Variants in LARGE1 observed in about 807,000 individuals in gnomAD.
The protein encoded by LARGE1 is xylosyl- and glucuronyltransferase LARGE1.
In LARGE1, 43 loss-of-function variants were observed where a neutral mutation model predicts 87.6. That is an observed-to-expected ratio of 0.49 (90% confidence interval 0.38 to 0.63). LARGE1 has a LOEUF of 0.63. Ranked by LOEUF, LARGE1 falls within the 30% of genes least tolerant of loss-of-function variation. The probability of loss-of-function intolerance (pLI) is 0.00; values close to 1 mark genes in which losing one functional copy is unlikely to be tolerated. For synonymous variants in LARGE1, 434 were observed against 394.6 expected (o/e 1.10, Z -1.18); for missense variants, 802 against 1,000.2 (o/e 0.80, Z 2.67).
At chr22:33,623,885 C>T (rs1184539586) in intron 4 of LARGE1, among the ~76,000 whole-genome samples, 1 of 151,868 alleles carries the variant, frequency 6.6e-6, no homozygotes, top group African/African-American at 2.4e-5. Flanking sequence ...CAAAAATTAG[C>T]TGGGTGTGGT....
At chr22:33,130,871 A>G in the LARGE1 span, among the ~76,000 whole-genome samples, 1 of 151,876 alleles carries the variant, frequency 6.6e-6, no homozygotes, top group Non-Finnish European at 1.5e-5. Flanking sequence ...GTCTCTACTG[A>G]ACATACAAAA....
At chr22:33,422,739 G>A (rs2066736305) in intron 7 of LARGE1, among the ~76,000 whole-genome samples, 2 of 151,984 alleles carry the variant, frequency 1.3e-5, no homozygotes, top group African/African-American at 4.8e-5. Context: ...TCGAACTCCT[G>A]ACCTCATGAT....
At chr22:33,403,823 C>G (rs568786201) in intron 7 of LARGE1, among the ~76,000 whole-genome samples, 1 of 152,094 alleles carries the variant, frequency 6.6e-6, no homozygotes, top group Admixed American at 6.6e-5. Context: ...AGGCTTGTCT[C>G]GAACTCCTGA....
chr22:33,411,650 T>C (rs7287710), intron 7 of LARGE1, among the ~76,000 whole-genome samples: 20,261 of 152,174 alleles, frequency 0.13, 1,457 homozygotes, highest in African/African-American at 0.19. Context: ...AATACTTGCA[T>C]AAGCAAACAA....
intron 2 of LARGE1, among the ~76,000 whole-genome samples, chr22:33,670,451 C>T (rs961655153): frequency 4.6e-5 from 7 of 151,566 alleles, no homozygotes; most frequent in East Asian, 4.0e-4. Flanking sequence ...GCAGAGGAAA[C>T]GGCATATACA....
downstream of LARGE1, among the ~76,000 whole-genome samples, chr22:33,271,713 A>C (rs1337272814): frequency 5.9e-5 from 9 of 152,246 alleles, no homozygotes; most frequent in Admixed American, 5.9e-4. Flanking sequence ...TGGGGCTGGC[A>C]GTGAACTGCT....
intron 11 of LARGE1, among the ~76,000 whole-genome samples, chr22:33,169,976 A>G (rs563790978): frequency 6.4e-4 from 97 of 152,228 alleles, no homozygotes; most frequent in African/African-American, 2.2e-3. Flanking sequence ...CTATGGTCCA[A>G]ATATTTGTGT....
chr22:33,632,051 T>C, intron 3 of LARGE1, among the ~76,000 whole-genome samples: 1 of 152,202 alleles, frequency 6.6e-6, no homozygotes, highest in South Asian at 2.1e-4. Flanking sequence ...GAGGATGGAA[T>C]GATGTTCTCG....
At chr22:33,536,638 A>G (rs5754597) in intron 6 of LARGE1, among the ~76,000 whole-genome samples, 50,120 of 152,130 alleles carry the variant, frequency 0.33, 10,001 homozygotes, top group Non-Finnish European at 0.45. Flanking sequence ...TGCGTCACAG[A>G]GTGGGCTAAG....
Position 33,337,499 on chromosome 22 carries a change from C to T in LARGE1, c.1287+147G>A, listed in dbSNP as rs534031727. On this transcript the variant is annotated intron_variant, in intron 10 of 14. Transcript: ENST00000397394. The stretch of plus-strand genomic sequence containing the variant: ...GGACCCGCTGATGTACCTCTCTCCC[C>T]GACTAGATGGTGGACCCTGGGCACC... 173 of 878,964 alleles carry T rather than the reference C, an allele frequency of 2.0e-4. 1 individual carries two copies. The Admixed American group carries it at 3.2e-3, about 16-fold the overall frequency. The allele number at this position is 878,964 out of a possible 1,614,324, so 54.4% of individuals were successfully genotyped here. A position where few individuals can be genotyped will look rare whatever the true frequency, so the allele number is the denominator to read the frequency against.
chr22:33,711,761 C>T (rs2082737029), intron 2 of LARGE1, among the ~76,000 whole-genome samples: 1 of 152,210 alleles, frequency 6.6e-6, no homozygotes, highest in Admixed American at 6.5e-5. Flanking sequence ...GTCCTCCTTC[C>T]TCAGCCTCTC....
At chr22:33,792,639 C>T (rs943796051) in intron 1 of LARGE1, among the ~76,000 whole-genome samples, 1 of 151,914 alleles carries the variant, frequency 6.6e-6, no homozygotes, top group African/African-American at 2.4e-5. Flanking sequence ...CTAAAGACAA[C>T]GTTACAAACC....
At chr22:33,561,513 T>C (rs1351627135) in intron 6 of LARGE1, among the ~76,000 whole-genome samples, 1 of 152,182 alleles carries the variant, frequency 6.6e-6, no homozygotes, top group Non-Finnish European at 1.5e-5. Context: ...CCCTGAATGT[T>C]CTGTTAGGAC....
intron 3 of LARGE1, among the ~76,000 whole-genome samples, chr22:33,646,061 T>C (rs2080602766): frequency 6.6e-6 from 1 of 152,094 alleles, no homozygotes; most frequent in Non-Finnish European, 1.5e-5. Context: ...GAACCAGAAA[T>C]ACCATTTGAC....
intron 5 of LARGE1, among the ~76,000 whole-genome samples, chr22:33,592,940 C>T (rs1033364279): frequency 1.4e-4 from 21 of 152,022 alleles, no homozygotes; most frequent in Admixed American, 2.6e-4. Context: ...CCCAGGTTCA[C>T]GCCATTCTCC....
At chr22:33,083,218 T>C in the LARGE1 span, among the ~76,000 whole-genome samples, 2 of 152,158 alleles carry the variant, frequency 1.3e-5, no homozygotes, top group Admixed American at 6.6e-5. Flanking sequence ...GGAAAACCCA[T>C]GTCAATGTGA....
chr22:33,492,703 T>C (rs956790819), intron 6 of LARGE1, among the ~76,000 whole-genome samples: 9 of 152,222 alleles, frequency 5.9e-5, no homozygotes, highest in African/African-American at 1.4e-4. Flanking sequence ...AGTGATTTCT[T>C]TGAAGTCTCA....
At chr22:33,177,473 C>T (rs1922936932) in intron 11 of LARGE1, among the ~76,000 whole-genome samples, 1 of 152,000 alleles carries the variant, frequency 6.6e-6, no homozygotes, top group Non-Finnish European at 1.5e-5. Context: ...AATCTAGATG[C>T]AGACTTTGTA....
At chr22:33,540,752 A>C (rs530620272) in intron 6 of LARGE1, among the ~76,000 whole-genome samples, 5 of 152,074 alleles carry the variant, frequency 3.3e-5, no homozygotes, top group Non-Finnish European at 7.4e-5. Context: ...GGGCATCATT[A>C]TTCTTCACGT....
Sources: allele counts gnomAD v4.1 joint callset (sites outside exome capture counted in the v4.1 genomes callset), GRCh38; gene constraint gnomAD v4.1.1; transcripts MANE v1.5; gene names NCBI Gene and HGNC (gene_info 2026-07-23, HGNC 2026-07-21).